EPSTI1: variants seen among roughly 807,000 people sequenced by gnomAD.
The protein encoded by EPSTI1 is epithelial-stromal interaction protein 1.
In EPSTI1, 66 loss-of-function variants were observed where a neutral mutation model predicts 49.9. That is an observed-to-expected ratio of 1.32 (90% CI 1.08 to 1.62). EPSTI1 has a LOEUF of 1.62. EPSTI1 is among the 40% of genes most tolerant of loss of function. The pLI is 0.00. For missense variants in EPSTI1, 394 were observed against 365.5 expected, an observed-to-expected ratio of 1.08 and a Z score of -0.64; for synonymous variants, 137 against 130.7, an observed-to-expected ratio of 1.05 and a Z score of -0.33.
intron 1 of EPSTI1, among the ~76,000 whole-genome samples, chr13:42,989,950 C>T (rs2153437486): frequency 6.6e-6 from 1 of 151,848 alleles, no homozygotes; most frequent in African/African-American, 2.4e-5. Context: ...ATAAATAAAG[C>T]CTTCTTTATT....
chr13:42,942,557 C>T (rs752133166), intron 6 of EPSTI1, among the ~76,000 whole-genome samples: 34 of 150,892 alleles, frequency 2.3e-4, no homozygotes, highest in Admixed American at 5.9e-4. Flanking sequence ...TTCACTCATA[C>T]AACAAAGGAA....
intron 8 of EPSTI1, among the ~76,000 whole-genome samples, chr13:42,911,008 G>T (rs995523754): frequency 1.3e-5 from 2 of 152,098 alleles, no homozygotes; most frequent in Non-Finnish European, 2.9e-5. Flanking sequence ...ATGTCTTTTT[G>T]TGTAACTAAA....
At chr13:42,917,668 T>C (rs570611910) in intron 7 of EPSTI1, 44 bp from the exon 8 acceptor site, 15 of 1,243,914 alleles carry the variant, frequency 1.2e-5, no homozygotes, top group Middle Eastern at 2.0e-4. Flanking sequence ...AACAACTTGA[T>C]AGGATAAAGG....
intron 5 of EPSTI1, among the ~76,000 whole-genome samples, chr13:42,958,099 T>C (rs2039329675): frequency 6.6e-6 from 1 of 152,166 alleles, no homozygotes; most frequent in Admixed American, 6.5e-5. Flanking sequence ...ACACCGTTGG[T>C]GATCTTAGGT....
intron 1 of EPSTI1, among the ~76,000 whole-genome samples, chr13:42,986,270 A>G (rs950489192): frequency 7.2e-5 from 11 of 152,224 alleles, no homozygotes; most frequent in African/African-American, 2.2e-4. Flanking sequence ...CTCCTGTGAC[A>G]TAATAAAAAA....
intron 6 of EPSTI1, among the ~76,000 whole-genome samples, chr13:42,930,042 A>G (rs1284286036): frequency 6.6e-6 from 1 of 152,206 alleles, no homozygotes; most frequent in East Asian, 1.9e-4. Context: ...TGCGTTTCTT[A>G]AAAGCACCCC....
chr13:42,935,461 T>A (rs964108130), intron 6 of EPSTI1, among the ~76,000 whole-genome samples: 11 of 152,194 alleles, frequency 7.2e-5, no homozygotes, highest in Admixed American at 3.3e-4. Flanking sequence ...AAATAATACA[T>A]CTGGTGTTTG....
intron 1 of EPSTI1, among the ~76,000 whole-genome samples, chr13:42,986,510 CGAG>C (rs753487467): frequency 8.6e-5 from 13 of 151,952 alleles, no homozygotes; most frequent in African/African-American, 1.5e-4. Flanking sequence ...TTTGAGAGGT[CGAG>C]GTGGGTGGAT....
intron 9 of EPSTI1, among the ~76,000 whole-genome samples, chr13:42,898,897 G>T (rs1474101806): frequency 6.6e-6 from 1 of 152,110 alleles, no homozygotes; most frequent in African/African-American, 2.4e-5. Context: ...TAAACAGGAA[G>T]TATTTTAAAG....
At chr13:42,988,765 A>G (rs2040131142) in intron 1 of EPSTI1, among the ~76,000 whole-genome samples, 1 of 151,746 alleles carries the variant, frequency 6.6e-6, no homozygotes, top group Non-Finnish European at 1.5e-5. Context: ...CTTGTCTGAG[A>G]GTCTATCAGA....
intron 1 of EPSTI1, among the ~76,000 whole-genome samples, chr13:42,986,771 A>G (rs1265445349): frequency 1.6e-5 from 2 of 123,750 alleles, no homozygotes; most frequent in South Asian, 2.8e-4. Flanking sequence ...AAAAAAAAAA[A>G]CAACTTGCAG....
chr13:42,985,849 A>C (rs2040068076), intron 1 of EPSTI1, among the ~76,000 whole-genome samples: 1 of 152,220 alleles, frequency 6.6e-6, no homozygotes, highest in African/African-American at 2.4e-5. Flanking sequence ...TGAGCTGTCC[A>C]ATGGACAACC....
chr13:42,941,804 A>G (rs1266656158), intron 6 of EPSTI1, among the ~76,000 whole-genome samples: 3 of 151,596 alleles, frequency 2.0e-5, no homozygotes, highest in African/African-American at 7.3e-5. Flanking sequence ...GATTTTAGTC[A>G]GTCTTCTTAA....
chr13:42,919,699 A>G (rs542441929), intron 7 of EPSTI1, among the ~76,000 whole-genome samples: 1 of 152,352 alleles, frequency 6.6e-6, no homozygotes, highest in African/African-American at 2.4e-5. Flanking sequence ...AGGATATTTA[A>G]TTAAACTAGA....
At chr13:42,943,617 C>G (rs1464046041) in intron 6 of EPSTI1, among the ~76,000 whole-genome samples, 1 of 152,162 alleles carries the variant, frequency 6.6e-6, no homozygotes, top group Non-Finnish European at 1.5e-5. Flanking sequence ...ATGGATGGTA[C>G]TAGGTTCCAG....
Position 42,951,250 on chromosome 13 carries a change from A to T in EPSTI1, c.563+2698T>A, listed in dbSNP as rs533329680. Among the ~76,000 whole-genome samples the T allele has an allele frequency of 2.0e-5, 3 of 152,362 alleles. No homozygotes were observed. In the South Asian group the frequency reaches 6.2e-4, roughly 32 times the overall value. On this transcript the variant is annotated intron_variant, in intron 6 of 10. Transcript: ENST00000313624. ...GGTATGACAAAAACTTGTCATATAG[A>T]CGATCCATCTTTTATAAGTCTCTTT...
intron 1 of EPSTI1, among the ~76,000 whole-genome samples, chr13:42,987,188 C>T (rs1246842389): frequency 6.6e-6 from 1 of 152,038 alleles, no homozygotes; most frequent in Non-Finnish European, 1.5e-5. Context: ...ACTCCATTTG[C>T]AGCTAGTGTC....
intron 8 of EPSTI1, among the ~76,000 whole-genome samples, chr13:42,902,465 A>G (rs1480287216): frequency 6.6e-6 from 1 of 152,048 alleles, no homozygotes. Flanking sequence ...CAGATTTAAA[A>G]TTTTGGCTTA....
intron 6 of EPSTI1, among the ~76,000 whole-genome samples, chr13:42,947,936 G>A (rs1029468963): frequency 1.6e-4 from 24 of 152,350 alleles, no homozygotes; most frequent in African/African-American, 5.8e-4. Context: ...CAATAACGAG[G>A]CAGGCCTCAC....
Sources: gnomAD v4.1 joint callset for allele counts (sites outside exome capture counted in the v4.1 genomes callset) on GRCh38, gnomAD v4.1.1 for gene constraint, MANE v1.5 for transcripts, NCBI Gene and HGNC (gene_info 2026-07-23, HGNC 2026-07-21) for gene names.